SHOC2: variants seen among roughly 807,000 people sequenced by gnomAD.
SHOC2 encodes the protein SHOC2 leucine rich repeat scaffold protein.
A neutral mutation model predicts 50.2 loss-of-function variants in SHOC2; 4 were observed. The observed-to-expected ratio is 0.08, with a 90% confidence interval of 0.04 to 0.18. SHOC2 has a LOEUF of 0.18. SHOC2 is among the 10% of genes least tolerant of loss of function. SHOC2 has a pLI of 1.00. For synonymous variants in SHOC2, 218 were observed against 244.5 expected, an observed-to-expected ratio of 0.89 and a Z score of 1.01; for missense variants, 388 against 669.6, an observed-to-expected ratio of 0.58 and a Z score of 4.64.
At chr10:110,995,207 A>G (rs891820973) in intron 3 of SHOC2, among the ~76,000 whole-genome samples, 3 of 152,228 alleles carry the variant, frequency 2.0e-5, no homozygotes, top group Non-Finnish European at 4.4e-5. Flanking sequence ...TTCTGTGGAG[A>G]GAAGTATAGC....
upstream of SHOC2, chr10:110,919,576 G>A (rs1846560702): frequency 2.5e-6 from 1 of 393,484 alleles, no homozygotes; most frequent in Non-Finnish European, 4.5e-6. Flanking sequence ...GGCGGCGGTT[G>A]GGCAGCGTCG....
intron 1 of SHOC2, among the ~76,000 whole-genome samples, chr10:110,934,860 G>T (rs1846971386): frequency 6.6e-6 from 1 of 152,164 alleles, no homozygotes; most frequent in East Asian, 1.9e-4. Flanking sequence ...TTAAGTAGTA[G>T]TTTTTGTCTA....
intron 4 of SHOC2, among the ~76,000 whole-genome samples, chr10:111,003,075 A>T (rs1848408580): frequency 6.6e-6 from 1 of 152,182 alleles, no homozygotes; most frequent in South Asian, 2.1e-4. Flanking sequence ...TTGTTTCTGT[A>T]CAACAATACA....
chr10:110,924,518 G>A (rs1318860355), intron 1 of SHOC2, among the ~76,000 whole-genome samples: 2 of 152,084 alleles, frequency 1.3e-5, no homozygotes, highest in South Asian at 2.1e-4. Flanking sequence ...ATAATATTAG[G>A]TCATATGGTA....
At chr10:111,008,671 AT>A (rs1238669761) in intron 6 of SHOC2, among the ~76,000 whole-genome samples, 3 of 152,092 alleles carry the variant, frequency 2.0e-5, no homozygotes, top group African/African-American at 7.2e-5. Flanking sequence ...ATTAGGGAAA[AT>A]AAATGAACAT....
At chr10:110,953,573 T>C (rs533151259) in intron 1 of SHOC2, among the ~76,000 whole-genome samples, 1 of 152,300 alleles carries the variant, frequency 6.6e-6, no homozygotes, top group African/African-American at 2.4e-5. Context: ...TGGGCAATTA[T>C]AAAGCTGCCA....
chr10:110,925,252 A>G (rs1445066658), intron 1 of SHOC2, among the ~76,000 whole-genome samples: 1 of 151,830 alleles, frequency 6.6e-6, no homozygotes, highest in African/African-American at 2.4e-5. Context: ...AACACTTTCC[A>G]TACTTACTTG....
intron 1 of SHOC2, among the ~76,000 whole-genome samples, chr10:110,939,579 A>G (rs1349192477): frequency 6.6e-6 from 1 of 152,168 alleles, no homozygotes; most frequent in African/African-American, 2.4e-5. Context: ...CGAGTCATCC[A>G]TATGATGTTA....
chr10:110,919,571 C>T (rs1350308225), upstream of SHOC2: 312 of 258,506 alleles, frequency 1.2e-3, no homozygotes, highest in Non-Finnish European at 1.7e-3. Flanking sequence ...CGGGGGGCGG[C>T]GGTTGGGCAG....
At chr10:110,970,265 C>T (rs192283544) in intron 2 of SHOC2, among the ~76,000 whole-genome samples, 4 of 152,222 alleles carry the variant, frequency 2.6e-5, no homozygotes, top group African/African-American at 9.6e-5. Flanking sequence ...TCTTTGAGAT[C>T]AACTTTTTTA....
intron 1 of SHOC2, among the ~76,000 whole-genome samples, chr10:110,958,215 T>C (rs1374949973): frequency 1.7e-5 from 2 of 116,400 alleles, no homozygotes; most frequent in East Asian, 2.1e-4. Context: ...TCCATTTCTT[T>C]CTTTCTTTTT....
chr10:110,923,182 A>G (rs1414236493), intron 1 of SHOC2, among the ~76,000 whole-genome samples: 1 of 152,008 alleles, frequency 6.6e-6, no homozygotes, highest in Non-Finnish European at 1.5e-5. Context: ...CTCTTAATAT[A>G]TTAAATTTTT....
intron 2 of SHOC2, among the ~76,000 whole-genome samples, chr10:110,973,648 A>G (rs959495349): frequency 3.9e-5 from 6 of 152,108 alleles, no homozygotes; most frequent in Non-Finnish European, 8.8e-5. Context: ...GGTAGAATTT[A>G]TCAGCCATAC....
At chr10:110,969,139 T>C (rs981338395) in intron 2 of SHOC2, among the ~76,000 whole-genome samples, 1 of 152,204 alleles carries the variant, frequency 6.6e-6, no homozygotes, top group Non-Finnish European at 1.5e-5. Flanking sequence ...TCCTTTTGTA[T>C]GTTAAGGCAT....
chr10:110,968,691 T>G (rs572719443), intron 2 of SHOC2, among the ~76,000 whole-genome samples: 1 of 152,114 alleles, frequency 6.6e-6, no homozygotes, highest in African/African-American at 2.4e-5. Flanking sequence ...AAATCTCAAC[T>G]ACTGGGAAGA....
chr10:110,933,378 ATGAT>A (rs1036484631), intron 1 of SHOC2, among the ~76,000 whole-genome samples: 1 of 152,104 alleles, frequency 6.6e-6, no homozygotes, highest in Non-Finnish European at 1.5e-5. Context: ...ATGATTATAT[ATGAT>A]TAAGTTAAAA....
chr10:110,921,564 C>T (rs1248883456), intron 1 of SHOC2, among the ~76,000 whole-genome samples: 1 of 151,960 alleles, frequency 6.6e-6, no homozygotes, highest in Non-Finnish European at 1.5e-5. Context: ...GTTATGGGTA[C>T]ATAGTAGGTT....
intron 2 of SHOC2, among the ~76,000 whole-genome samples, chr10:110,979,832 T>G (rs1445084017): frequency 6.6e-6 from 1 of 152,170 alleles, no homozygotes; most frequent in Admixed American, 6.5e-5. Context: ...CTCTCATAAT[T>G]GCATCTTATC....
chr10:110,950,436 G>A (rs1375759219), intron 1 of SHOC2, among the ~76,000 whole-genome samples: 1 of 152,106 alleles, frequency 6.6e-6, no homozygotes, highest in South Asian at 2.1e-4. Flanking sequence ...TTATTAAAAT[G>A]TCCATACTAC....
Sources: gnomAD v4.1 joint callset for allele counts (sites outside exome capture counted in the v4.1 genomes callset) on GRCh38, gnomAD v4.1.1 for gene constraint, MANE v1.5 for transcripts, NCBI Gene and HGNC (gene_info 2026-07-23, HGNC 2026-07-21) for gene names.